ZFAND6: variants seen among roughly 807,000 people sequenced by gnomAD.
The protein encoded by ZFAND6 is AN1-type zinc finger protein 6.
Under a neutral mutation model 24.5 loss-of-function variants are expected in ZFAND6, and 12 were observed. That is an observed-to-expected ratio of 0.49 (90% CI 0.31 to 0.79). The LOEUF is 0.79. Ranked by LOEUF, ZFAND6 falls within the 30% of genes least tolerant of loss-of-function variation. The pLI, the probability that ZFAND6 is intolerant of heterozygous loss-of-function variation, is 0.04. For missense variants in ZFAND6, 207 were observed against 245.9 expected (o/e 0.84, Z 1.06); for synonymous variants, 92 against 81.5 (o/e 1.13, Z -0.69).
At chr15:80,108,557 G>T (rs865981033) in intron 2 of ZFAND6, among the ~76,000 whole-genome samples, 2 of 152,132 alleles carry the variant, frequency 1.3e-5, no homozygotes, top group Non-Finnish European at 2.9e-5. Context: ...TAAGGTATGT[G>T]ATATGAAACC....
chr15:80,137,750 T>A lies in ZFAND6; in HGVS notation c.*122T>A. 8.8e-7 allele frequency: 1 copy of A among 1,133,078 alleles called. No individual in the cohort carries two copies. The highest frequency in any genetic ancestry group is 1.2e-6 in the Non-Finnish European group (1 of 852,942). The allele number at this position is 1,133,078 out of a possible 1,614,324, so 70.2% of individuals were successfully genotyped here. A position where few individuals can be genotyped will look rare whatever the true frequency, so the allele number is the denominator to read the frequency against. On this transcript the variant is annotated 3_prime_UTR_variant, in exon 7 of 7. Transcript: ENST00000261749. ...CTTGCATGTCATCGGAAGAATAGAT[T>A]TTTGTTTTGGTTTTGTTTTGAAAAT...
intron 1 of ZFAND6, among the ~76,000 whole-genome samples, chr15:80,094,753 C>T (rs1236673732): frequency 6.6e-6 from 1 of 152,168 alleles, no homozygotes; most frequent in South Asian, 2.1e-4. Context: ...ACACAGTCCA[C>T]ATTCACATTT....
intron 1 of ZFAND6, among the ~76,000 whole-genome samples, chr15:80,094,870 G>A (rs997252746): frequency 2.0e-5 from 3 of 151,924 alleles, no homozygotes; most frequent in African/African-American, 7.3e-5. Flanking sequence ...TGCCTCCCAG[G>A]TTCAAATGAT....
chr15:80,090,616 T>A (rs1288504188), intron 1 of ZFAND6, among the ~76,000 whole-genome samples: 1 of 152,214 alleles, frequency 6.6e-6, no homozygotes, highest in African/African-American at 2.4e-5. Flanking sequence ...TTTGTTTTTT[T>A]AACTGGCAGA....
chr15:80,068,845 C>T (rs576107606), intron 1 of ZFAND6, among the ~76,000 whole-genome samples: 4 of 152,208 alleles, frequency 2.6e-5, no homozygotes, highest in Non-Finnish European at 4.4e-5. Context: ...TGGTCTGACT[C>T]GACCATAAGT....
At chr15:80,061,730 A>G (rs1410666544) in intron 1 of ZFAND6, among the ~76,000 whole-genome samples, 3 of 152,108 alleles carry the variant, frequency 2.0e-5, no homozygotes, top group Admixed American at 1.3e-4. Context: ...TTGTTTTGTT[A>G]TAAGCAGTCT....
chr15:80,085,733 T>C (rs941316528), intron 1 of ZFAND6, among the ~76,000 whole-genome samples: 1 of 152,184 alleles, frequency 6.6e-6, no homozygotes, highest in Non-Finnish European at 1.5e-5. Flanking sequence ...AAATTCCTGG[T>C]GTGTTTTGTG....
chr15:80,129,338 T>A (rs1043640122), intron 5 of ZFAND6, among the ~76,000 whole-genome samples: 3 of 152,370 alleles, frequency 2.0e-5, no homozygotes, highest in Non-Finnish European at 1.5e-5. Flanking sequence ...CTATAGAGTT[T>A]GTCATTAGCA....
chr15:80,067,419 G>C (rs1250235161), intron 1 of ZFAND6, among the ~76,000 whole-genome samples: 1 of 152,092 alleles, frequency 6.6e-6, no homozygotes, highest in African/African-American at 2.4e-5. Flanking sequence ...CCACAAAATA[G>C]GTTAGGTCTT....
chr15:80,085,048 A>T (rs1016223070), intron 1 of ZFAND6, among the ~76,000 whole-genome samples: 3 of 152,194 alleles, frequency 2.0e-5, no homozygotes, highest in Non-Finnish European at 4.4e-5. Context: ...TGAAGCTTTC[A>T]TCTTTCAAAG....
intron 1 of ZFAND6, among the ~76,000 whole-genome samples, chr15:80,093,187 G>A (rs1201318896): frequency 5.3e-5 from 8 of 151,556 alleles, no homozygotes; most frequent in African/African-American, 1.9e-4. Context: ...GGCTGGTTTC[G>A]AACTCCTGAC....
At chr15:80,071,848 T>C (rs1253094388) in intron 1 of ZFAND6, among the ~76,000 whole-genome samples, 1 of 152,082 alleles carries the variant, frequency 6.6e-6, no homozygotes, top group Non-Finnish European at 1.5e-5. Context: ...TGTTTGCCAA[T>C]GGTTAAGCAT....
chr15:80,090,890 T>C (rs1596240497), intron 1 of ZFAND6, among the ~76,000 whole-genome samples: 1 of 152,224 alleles, frequency 6.6e-6, no homozygotes, highest in Non-Finnish European at 1.5e-5. Context: ...TTAGAAATAA[T>C]AACTTTTTGA....
At chr15:80,067,873 A>C (rs1480189035) in intron 1 of ZFAND6, among the ~76,000 whole-genome samples, 6 of 152,216 alleles carry the variant, frequency 3.9e-5, no homozygotes, top group Admixed American at 2.6e-4. Flanking sequence ...AAAATATCTC[A>C]ATTTTTAAAA....
At position 80,101,170 on chromosome 15, in the gene ZFAND6, T is replaced by G. The variant is rs573722524; in HGVS notation, c.-18+2592T>G. Among the ~76,000 whole-genome samples, 51 of 152,270 alleles carry G rather than the reference T, an allele frequency of 3.3e-4. 1 individual carries two copies. The South Asian group carries it at 9.9e-3, about 30-fold the overall frequency. ...CATCTCAAGAAGAGTAGAATAGAAA[T>G]CTTTACTCCCGGCTGGGCGTGGTGG... On this transcript the variant is annotated intron_variant, in intron 2 of 6. Coordinates refer to ENST00000261749, the MANE Select transcript of ZFAND6 (RefSeq NM_019006.4).
intron 6 of ZFAND6, among the ~76,000 whole-genome samples, chr15:80,134,272 G>A (rs530410614): frequency 1.2e-3 from 182 of 152,304 alleles, no homozygotes; most frequent in African/African-American, 4.2e-3. Flanking sequence ...TTACAGGCAC[G>A]AGCCACAGCT....
chr15:80,120,949 G>A lies in ZFAND6; in HGVS notation c.154+451G>A, dbSNP rs117698479. On this transcript the variant is annotated intron_variant, in intron 3 of 6. Transcript: ENST00000261749. ...GTATCGTGGATTAACTCATAGTAAG[G>A]GATGTTCAACCCCAGTTCACTAGGG... The A allele has an allele frequency of 0.021, 3,128 of 152,372 alleles. 225 individuals are homozygous for A. The East Asian group carries it at 0.22, about 11-fold the overall frequency. 9.4% of individuals were successfully genotyped at this position (152,372 alleles called of 1,614,324 possible). A position where few individuals can be genotyped will look rare whatever the true frequency, so the allele number is the denominator to read the frequency against.
chr15:80,090,028 C>T (rs1363428214), intron 1 of ZFAND6, among the ~76,000 whole-genome samples: 1 of 152,182 alleles, frequency 6.6e-6, no homozygotes, highest in Non-Finnish European at 1.5e-5. Context: ...CACTGTATAA[C>T]TTCTCTTCCT....
At chr15:80,062,442 C>T (rs1345085866) in intron 1 of ZFAND6, among the ~76,000 whole-genome samples, 1 of 152,200 alleles carries the variant, frequency 6.6e-6, no homozygotes, top group Non-Finnish European at 1.5e-5. Flanking sequence ...TCCCGAGGAT[C>T]TGTTTCATTA....
Sources: allele counts gnomAD v4.1 joint callset (sites outside exome capture counted in the v4.1 genomes callset), GRCh38; gene constraint gnomAD v4.1.1; transcripts MANE v1.5; gene names NCBI Gene and HGNC (gene_info 2026-07-23, HGNC 2026-07-21).